FAR1: variants seen among roughly 807,000 people sequenced by gnomAD.
The protein encoded by FAR1 is fatty acyl-CoA reductase 1, also known as male sterility domain-containing protein 2.
FAR1 carries 22 observed loss-of-function variants against 61.1 expected under a neutral mutation model. That is an observed-to-expected ratio of 0.36 (90% confidence interval 0.26 to 0.51). The LOEUF (loss-of-function observed/expected upper bound fraction) is 0.51, where lower values mean the gene tolerates loss of function less well. FAR1 is among the 20% of genes least tolerant of loss of function. The pLI is 0.95. For synonymous variants in FAR1, 206 were observed against 209.7 expected (o/e 0.98, Z 0.15); for missense variants, 359 against 626.9 (o/e 0.57, Z 4.56).
intron 1 of FAR1, among the ~76,000 whole-genome samples, chr11:13,674,499 T>C (rs1373221631): frequency 6.6e-6 from 1 of 152,148 alleles, no homozygotes; most frequent in Non-Finnish European, 1.5e-5. Flanking sequence ...CTTCCTTGAA[T>C]AGGTTGTATG....
At chr11:13,709,658 C>A (rs2134190806) in intron 4 of FAR1, among the ~76,000 whole-genome samples, 1 of 151,942 alleles carries the variant, frequency 6.6e-6, no homozygotes, top group South Asian at 2.1e-4. Flanking sequence ...TTTCATTTTT[C>A]AAATCTCATC....
At chr11:13,719,933 C>G (rs1328812073) in intron 9 of FAR1, 2 of 152,118 alleles carry the variant, frequency 1.3e-5, no homozygotes, top group African/African-American at 2.4e-5. Flanking sequence ...AATACATATT[C>G]AGAACATACC....
At chr11:13,692,502 A>G (rs2134178270) in intron 1 of FAR1, among the ~76,000 whole-genome samples, 1 of 152,200 alleles carries the variant, frequency 6.6e-6, no homozygotes, top group Admixed American at 6.5e-5. Flanking sequence ...TCTCACCAAC[A>G]GTGTATGATT....
At chr11:13,705,802 T>C (rs1848425704) in intron 3 of FAR1, among the ~76,000 whole-genome samples, 1 of 152,150 alleles carries the variant, frequency 6.6e-6, no homozygotes, top group Non-Finnish European at 1.5e-5. Context: ...GCACAGGACT[T>C]TTTTTCTCTC....
At chr11:13,679,697 C>T (rs527276767) in intron 1 of FAR1, among the ~76,000 whole-genome samples, 1 of 152,262 alleles carries the variant, frequency 6.6e-6, no homozygotes, top group East Asian at 1.9e-4. Context: ...CATTTCCTCT[C>T]TCATAGAGTA....
intron 3 of FAR1, among the ~76,000 whole-genome samples, chr11:13,707,147 T>G (rs2134188714): frequency 6.6e-6 from 1 of 152,340 alleles, no homozygotes; most frequent in African/African-American, 2.4e-5. Flanking sequence ...CCATATTCCA[T>G]AGTGAATATT....
intron 11 of FAR1, 65 bp downstream of exon 11, chr11:13,727,748 G>T: frequency 6.9e-7 from 1 of 1,442,036 alleles, no homozygotes; most frequent in East Asian, 2.5e-5. Flanking sequence ...CAATTTTTTT[G>T]GTAAACTGGT....
chr11:13,697,348 G>C (rs959312298), intron 2 of FAR1, among the ~76,000 whole-genome samples: 1 of 152,080 alleles, frequency 6.6e-6, no homozygotes, highest in Non-Finnish European at 1.5e-5. Flanking sequence ...TGTGGTCCCA[G>C]CTACTCGGGA....
chr11:13,704,480 A>T (rs1209098734), intron 3 of FAR1, among the ~76,000 whole-genome samples: 1 of 152,172 alleles, frequency 6.6e-6, no homozygotes, highest in Non-Finnish European at 1.5e-5. Flanking sequence ...GAATTACTGG[A>T]AAGTGTGTTA....
chr11:13,721,561 A>G lies in FAR1; in HGVS notation c.1128-169A>G. On this transcript the variant is annotated intron_variant, in intron 9 of 11. Coordinates refer to ENST00000354817, the MANE Select transcript of FAR1 (RefSeq NM_032228.6). This position sits in a 1 kb window ranked among gnomAD's most constrained non-coding sequence, Gnocchi z 4.2. ...TTTGGATTTATAAATTGTTCATCCA[A>G]GATGCAGAAATAGTCTTATTCCCTG... The G allele has an allele frequency of 1.9e-6, 1 of 535,756 alleles. No individual in the cohort carries two copies. The highest frequency in any genetic ancestry group is 3.1e-6 in the Non-Finnish European group (1 of 318,868). 33.2% of individuals were successfully genotyped at this position (535,756 alleles called of 1,614,324 possible). A position where few individuals can be genotyped will look rare whatever the true frequency, so the allele number is the denominator to read the frequency against.
chr11:13,704,465 CTTAAGAATT>C lies in FAR1; in HGVS notation c.366-3434_366-3426del, dbSNP rs561804185. On this transcript the variant is annotated intron_variant, in intron 3 of 11. Coordinates refer to ENST00000354817, the MANE Select transcript of FAR1 (RefSeq NM_032228.6). ...TCAAACTTTAGAATGTATTAAGAAT[CTTAAGAATT>C]ACTGGAAAGTGTGTTAAAAATGCAT... Among the ~76,000 whole-genome samples the C allele has an allele frequency of 2.6e-3, 392 of 152,216 alleles. 3 individuals are homozygous for C. Among genetic ancestry groups the C allele is most frequent in the African/African-American group, 9.0e-3 (374 of 41,526 alleles).
At chr11:13,708,859 A>G (rs1848467965) in intron 4 of FAR1, among the ~76,000 whole-genome samples, 1 of 152,152 alleles carries the variant, frequency 6.6e-6, no homozygotes, top group African/African-American at 2.4e-5. Context: ...CTTTCTGAGG[A>G]CTGAGATCCT....
rs990884732 is a variant in FAR1 at position 13,668,801 on chromosome 11, G to A, written c.-13G>A. 2 of 154,178 alleles carry A rather than the reference G, an allele frequency of 1.3e-5. No individual in the cohort carries two copies. The highest frequency in any genetic ancestry group is 1.3e-4 in the Admixed American group (2 of 15,300). 9.6% of individuals were successfully genotyped at this position (154,178 alleles called of 1,614,324 possible). A position where few individuals can be genotyped will look rare whatever the true frequency, so the allele number is the denominator to read the frequency against. On this transcript the variant is annotated 5_prime_UTR_variant, in exon 1 of 12. Coordinates refer to ENST00000354817, the MANE Select transcript of FAR1 (RefSeq NM_032228.6). ...GGGAGAGCGAGGCCTGAGCCTCTGC[G>A]TCTAGGTGAGAAGGGGGTGCGCCAG...
intron 1 of FAR1, among the ~76,000 whole-genome samples, chr11:13,691,896 G>A (rs1003523053): frequency 3.3e-5 from 5 of 152,150 alleles, no homozygotes; most frequent in Non-Finnish European, 5.9e-5. Context: ...GACCGGGTGT[G>A]GTGGCTCATG....
At chr11:13,684,187 T>C (rs1848161198) in intron 1 of FAR1, among the ~76,000 whole-genome samples, 1 of 152,194 alleles carries the variant, frequency 6.6e-6, no homozygotes, top group East Asian at 1.9e-4. Flanking sequence ...TCCATCCTGT[T>C]AGAGTCCCGT....
intron 4 of FAR1, among the ~76,000 whole-genome samples, chr11:13,709,325 G>C (rs1591267076): frequency 1.3e-5 from 2 of 152,122 alleles, no homozygotes; most frequent in South Asian, 4.2e-4. Context: ...CATTTTCTTA[G>C]ATGGTCCCAA....
At chr11:13,708,971 C>G (rs1220220256) in intron 4 of FAR1, among the ~76,000 whole-genome samples, 1 of 152,150 alleles carries the variant, frequency 6.6e-6, no homozygotes, top group African/African-American at 2.4e-5. Context: ...GCAGCTCAGG[C>G]TTTCTCATCA....
At chr11:13,706,808 G>A (rs1404526261) in intron 3 of FAR1, among the ~76,000 whole-genome samples, 1 of 152,072 alleles carries the variant, frequency 6.6e-6, no homozygotes, top group Admixed American at 6.5e-5. Flanking sequence ...TGCCTGTTTG[G>A]TGACTATGTT....
chr11:13,718,936 G>A (rs1432585450), intron 9 of FAR1, among the ~76,000 whole-genome samples: 1 of 152,128 alleles, frequency 6.6e-6, no homozygotes, highest in African/African-American at 2.4e-5. Flanking sequence ...CTTCCTCGCA[G>A]TATGGCAGCC....
Sources: gnomAD v4.1 joint callset for allele counts (sites outside exome capture counted in the v4.1 genomes callset) on GRCh38, gnomAD v4.1.1 for gene constraint, Gnocchi (gnomAD v3.1) non-coding constraint, MANE v1.5 for transcripts, NCBI Gene and HGNC (gene_info 2026-07-23, HGNC 2026-07-21) for gene names.